Variants in THRAP3 observed in about 807,000 individuals in gnomAD.
THRAP3 encodes the protein thyroid hormone receptor-associated protein 3.
Under a neutral mutation model 101.0 loss-of-function variants are expected in THRAP3, and 16 were observed. The observed-to-expected ratio is 0.16, with a 90% CI of 0.11 to 0.24. The LOEUF (loss-of-function observed/expected upper bound fraction) is 0.24. Ranked by LOEUF, THRAP3 falls within the 10% of genes least tolerant of loss-of-function variation. The pLI is 1.00. For missense variants in THRAP3, 989 were observed against 1,202.7 expected (o/e 0.82, Z 2.63); for synonymous variants, 407 against 422.6 (o/e 0.96, Z 0.45).
chr1:36,264,749 T>A (rs779265110), intron 2 of THRAP3, among the ~76,000 whole-genome samples: 5 of 152,206 alleles, frequency 3.3e-5, no homozygotes, highest in Admixed American at 6.5e-5. Flanking sequence ...TCTTTTTTTT[T>A]AATATCTATT....
intron 4 of THRAP3, chr1:36,287,848 C>A: frequency 1.0e-6 from 1 of 985,404 alleles, no homozygotes; most frequent in Non-Finnish European, 1.2e-6. Context: ...ACAGTGCTTC[C>A]GTCTTTCTCC....
intron 9 of THRAP3, among the ~76,000 whole-genome samples, chr1:36,298,829 T>G (rs763661069): frequency 6.6e-6 from 1 of 152,162 alleles, no homozygotes; most frequent in Non-Finnish European, 1.5e-5. Context: ...GGTCTTGCTG[T>G]GTCGCCCAGG....
chr1:36,265,459 C>CTT (rs60539096), intron 2 of THRAP3, among the ~76,000 whole-genome samples: 3 of 104,814 alleles, frequency 2.9e-5, no homozygotes, highest in South Asian at 3.2e-4. Flanking sequence ...AGACAGGAAA[C>CTT]TTTTTTTTTT....
chr1:36,245,140 C>G lies in THRAP3; in HGVS notation c.-134-14242C>G, dbSNP rs145043562. On this transcript the variant is annotated intron_variant, in intron 1 of 11. Transcript: ENST00000354618. ...GAGTTCTGACATGTATTATATAGAT[C>G]TCTGCATGTGACACCCCCATCCCAA... Among the ~76,000 whole-genome samples, 112 of 151,310 alleles carry G rather than the reference C, an allele frequency of 7.4e-4. 2 individuals carry two copies. In the East Asian group the frequency reaches 0.013, roughly 18 times the overall value.
the THRAP3 span, among the ~76,000 whole-genome samples, chr1:36,208,926 CA>C: frequency 6.7e-6 from 1 of 149,004 alleles, no homozygotes; most frequent in African/African-American, 2.5e-5. Context: ...CTTGGCCTCC[CA>C]AAATGCTGGG....
At chr1:36,288,907 T>G in intron 4 of THRAP3, 153 bp from the exon 5 acceptor site, 1 of 985,394 alleles carries the variant, frequency 1.0e-6, no homozygotes, top group Non-Finnish European at 1.2e-6. Context: ...CAGAAATTAT[T>G]ACGAAGTAAC....
intron 9 of THRAP3, among the ~76,000 whole-genome samples, chr1:36,299,583 C>T (rs1646005726): frequency 1.3e-5 from 2 of 151,722 alleles, no homozygotes; most frequent in South Asian, 2.1e-4. Context: ...TCACTGCAAC[C>T]TCTGCCTCCT....
At chr1:36,248,594 T>C (rs1645260050) in intron 1 of THRAP3, among the ~76,000 whole-genome samples, 1 of 151,886 alleles carries the variant, frequency 6.6e-6, no homozygotes, top group Non-Finnish European at 1.5e-5. Context: ...GCATGCTTTA[T>C]TTTTTTGTAG....
At chr1:36,267,216 A>G (rs1382000438) in intron 2 of THRAP3, among the ~76,000 whole-genome samples, 2 of 152,110 alleles carry the variant, frequency 1.3e-5, no homozygotes, top group South Asian at 2.1e-4. Context: ...TTCTTCTGCA[A>G]TTAATTTCAG....
intron 1 of THRAP3, among the ~76,000 whole-genome samples, chr1:36,247,577 C>T (rs1645246625): frequency 6.6e-6 from 1 of 151,934 alleles, no homozygotes; most frequent in Admixed American, 6.6e-5. Flanking sequence ...CCACCCGCCT[C>T]AGCCTCCCAA....
At chr1:36,249,252 C>T (rs909315077) in intron 1 of THRAP3, among the ~76,000 whole-genome samples, 12 of 145,052 alleles carry the variant, frequency 8.3e-5, no homozygotes, top group Middle Eastern at 3.4e-3. Context: ...AATGCAGTGG[C>T]GCAAGCTCCG....
At chr1:36,300,655 A>G (rs941117879) in intron 9 of THRAP3, among the ~76,000 whole-genome samples, 2 of 152,142 alleles carry the variant, frequency 1.3e-5, no homozygotes, top group African/African-American at 4.8e-5. Context: ...TGTATGTCAT[A>G]TGTTTATCAC....
chr1:36,286,639 C>T lies in THRAP3; in HGVS notation c.409C>T (p.Pro137Ser). 6.2e-7 allele frequency: 1 copy of T among 1,614,180 alleles called. No homozygotes were observed. Among genetic ancestry groups the T allele is most frequent in the Non-Finnish European group, 8.5e-7 (1 of 1,180,032 alleles). ...SRSPKRRSPSPRSRSHSRNSD... is the reference protein window; with the variant it reads ...SRSPKRRSPSSRSRSHSRNSD... Reference sequence around the variant, plus strand: ...GTCCCCAAAGAGAAGGTCCCCTTCACCAAGGTCCAGGAGCCATTCTAGAAA... The same window carrying T: ...GTCCCCAAAGAGAAGGTCCCCTTCATCAAGGTCCAGGAGCCATTCTAGAAA... The change falls in exon 4 of 12, where the codon CCA (proline) becomes TCA (serine). Residue 137 changes from proline (P) to serine (S), a missense_variant. Transcript: ENST00000354618. This position sits in a 1 kb window ranked among gnomAD's most constrained non-coding sequence, Gnocchi z 5.5.
At chr1:36,288,666 T>C in intron 4 of THRAP3, 1 of 985,496 alleles carries the variant, frequency 1.0e-6, no homozygotes, top group East Asian at 1.1e-4. Context: ...GAACATTCTA[T>C]GTTAACTTTG....
At chr1:36,250,371 A>G (rs979582637) in intron 1 of THRAP3, among the ~76,000 whole-genome samples, 5 of 151,502 alleles carry the variant, frequency 3.3e-5, no homozygotes, top group African/African-American at 7.3e-5. Context: ...CCGCCACCAC[A>G]CCCAGCTAAC....
intron 1 of THRAP3, among the ~76,000 whole-genome samples, chr1:36,240,510 A>G (rs1055704217): frequency 7.9e-5 from 12 of 152,168 alleles, no homozygotes; most frequent in Admixed American, 6.6e-4. Flanking sequence ...TCCCACCCAC[A>G]TTGAGAGTCC....
At chr1:36,225,894 G>A (rs1277687484) in intron 1 of THRAP3, among the ~76,000 whole-genome samples, 2 of 152,108 alleles carry the variant, frequency 1.3e-5, no homozygotes, top group Non-Finnish European at 2.9e-5. Context: ...TTGTGTTGAG[G>A]TTTCTGTAAG....
intron 2 of THRAP3, among the ~76,000 whole-genome samples, chr1:36,268,308 T>C (rs1331890149): frequency 6.6e-6 from 1 of 152,128 alleles, no homozygotes; most frequent in Non-Finnish European, 1.5e-5. Context: ...TCAGTGTGTT[T>C]TTTATCATCC....
At chr1:36,258,074 C>T (rs1049663592) in intron 1 of THRAP3, among the ~76,000 whole-genome samples, 4 of 152,034 alleles carry the variant, frequency 2.6e-5, no homozygotes, top group African/African-American at 9.7e-5. Context: ...CTCTGGACCT[C>T]GTGATCCGCC....
Sources: allele counts gnomAD v4.1 joint callset (sites outside exome capture counted in the v4.1 genomes callset), GRCh38; gene constraint gnomAD v4.1.1; non-coding constraint Gnocchi (gnomAD v3.1); transcripts MANE v1.5; gene names NCBI Gene and HGNC (gene_info 2026-07-23, HGNC 2026-07-21).